TOX3: variants seen among roughly 807,000 people sequenced by gnomAD.
The protein encoded by TOX3 is CAG trinucleotide repeat-containing gene F9 protein.
A neutral mutation model predicts 64.3 loss-of-function variants in TOX3; 22 were observed. The observed-to-expected ratio is 0.34, with a 90% CI of 0.24 to 0.49. The LOEUF is 0.49. TOX3 is among the 20% of genes least tolerant of loss of function. The pLI is 0.99. For missense variants in TOX3, 661 were observed against 714.4 expected (o/e 0.93, Z 0.85); for synonymous variants, 291 against 273.6 (o/e 1.06, Z -0.63).
At chr16:52,501,681 C>CAAA (rs1213262658) in intron 1 of TOX3, among the ~76,000 whole-genome samples, 1 of 140,710 alleles carries the variant, frequency 7.1e-6, no homozygotes, top group African/African-American at 2.7e-5. Context: ...AACAAACAAA[C>CAAA]AAAAAAAAAA....
chr16:52,503,068 A>T (rs1329736785), intron 1 of TOX3, among the ~76,000 whole-genome samples: 1 of 152,202 alleles, frequency 6.6e-6, no homozygotes, highest in Non-Finnish European at 1.5e-5. Context: ...AAAACAGGCA[A>T]CTGGCCCATG....
intron 1 of TOX3, among the ~76,000 whole-genome samples, chr16:52,473,345 T>C (rs1339861109): frequency 6.6e-6 from 1 of 150,762 alleles, no homozygotes; most frequent in Non-Finnish European, 1.5e-5. Context: ...AACAGCTAAA[T>C]GGCACAAACT....
chr16:52,517,571 T>A (rs1002605832), intron 1 of TOX3, among the ~76,000 whole-genome samples: 1 of 151,816 alleles, frequency 6.6e-6, no homozygotes, highest in African/African-American at 2.4e-5. Context: ...TTATGAAGGA[T>A]AAAATATCAG....
chr16:52,460,048 T>C (rs562664876), intron 3 of TOX3, among the ~76,000 whole-genome samples: 1 of 152,250 alleles, frequency 6.6e-6, no homozygotes, highest in South Asian at 2.1e-4. Flanking sequence ...ATAATTTTCT[T>C]CTCTGCATAA....
intron 2 of TOX3, among the ~76,000 whole-genome samples, chr16:52,464,759 A>G (rs1409919730): frequency 3.3e-5 from 5 of 152,210 alleles, no homozygotes; most frequent in Admixed American, 2.0e-4. Flanking sequence ...TGTTTTATAT[A>G]AGGATTATCA....
chr16:52,486,042 A>T (rs944109858), intron 1 of TOX3, among the ~76,000 whole-genome samples: 2 of 152,206 alleles, frequency 1.3e-5, no homozygotes, highest in Non-Finnish European at 2.9e-5. Flanking sequence ...AGGTGCCAAG[A>T]GATGTCTGTC....
chr16:52,482,807 A>T (rs1048722524), intron 1 of TOX3, among the ~76,000 whole-genome samples: 3 of 152,214 alleles, frequency 2.0e-5, no homozygotes, highest in Non-Finnish European at 4.4e-5. Flanking sequence ...TCTCATCGCT[A>T]CTAGTGGAAA....
intron 1 of TOX3, among the ~76,000 whole-genome samples, chr16:52,544,694 T>G (rs1963138998): frequency 6.6e-6 from 1 of 152,216 alleles, no homozygotes; most frequent in African/African-American, 2.4e-5. Flanking sequence ...TTTCAAGCTT[T>G]ATATACCCTC....
intron 1 of TOX3, among the ~76,000 whole-genome samples, chr16:52,476,975 A>T (rs1444966328): frequency 6.6e-6 from 1 of 152,090 alleles, no homozygotes; most frequent in Non-Finnish European, 1.5e-5. Flanking sequence ...TCAATATATA[A>T]TTTCACCTTT....
rs1224507031 is a variant in TOX3 at position 52,487,311 on chromosome 16, A to AG, written c.88-18738_88-18737insC. On this transcript the variant is annotated intron_variant, in intron 1 of 6. Transcript: ENST00000219746. ...AGAGCAGCTGAGTCAGATGGAAAAA[A>AG]AAAAAAGAAAGAGAAAAAGAAAAAG... Among the ~76,000 whole-genome samples the AG allele has an allele frequency of 2.6e-5, 4 of 151,312 alleles. No individual in the cohort carries two copies. The East Asian group carries it at 7.8e-4, about 29-fold the overall frequency.
At chr16:52,506,768 A>T (rs1596839007) in intron 1 of TOX3, among the ~76,000 whole-genome samples, 1 of 152,212 alleles carries the variant, frequency 6.6e-6, no homozygotes. Flanking sequence ...TTAAAGATTT[A>T]AAAACATGAT....
chr16:52,530,554 C>T (rs1312158520), intron 1 of TOX3, among the ~76,000 whole-genome samples: 2 of 152,106 alleles, frequency 1.3e-5, no homozygotes, highest in Non-Finnish European at 2.9e-5. Flanking sequence ...TCATGGTTGG[C>T]CAGGATGGTC....
intron 1 of TOX3, among the ~76,000 whole-genome samples, chr16:52,491,812 C>T (rs535020034): frequency 1.3e-5 from 2 of 152,272 alleles, no homozygotes; most frequent in South Asian, 4.1e-4. Flanking sequence ...GGAACTGAAG[C>T]AGAATTCCTT....
In TOX3 at chr16:52,454,920, C is replaced by T. The variant is rs1334263762; in HGVS notation, c.409-4374G>A. 2.0e-5 allele frequency among the ~76,000 whole-genome samples: 3 copies of T among 152,222 alleles called. No individual in the cohort carries two copies. The East Asian group carries it at 5.8e-4, about 29-fold the overall frequency. On this transcript the variant is annotated intron_variant, in intron 3 of 6. Coordinates refer to ENST00000219746, the MANE Select transcript of TOX3 (RefSeq NM_001080430.4). ...TCACAATTTTTCCCAGTAGTAATGA[C>T]ACAATAAGGAAATGTATAACTATGA... is the stretch of plus-strand genomic sequence containing the variant.
intron 3 of TOX3, among the ~76,000 whole-genome samples, chr16:52,454,240 C>CAA: frequency 7.2e-6 from 1 of 139,552 alleles, no homozygotes; most frequent in South Asian, 2.3e-4. Flanking sequence ...TATTTCATTA[C>CAA]AAAAAAAAAA....
At chr16:52,458,397 C>G (rs967307753) in intron 3 of TOX3, among the ~76,000 whole-genome samples, 2 of 152,100 alleles carry the variant, frequency 1.3e-5, no homozygotes, top group African/African-American at 2.4e-5. Context: ...TAATGGCATA[C>G]AGAGTAACTC....
intron 3 of TOX3, among the ~76,000 whole-genome samples, chr16:52,458,632 G>A (rs1235701852): frequency 2.0e-5 from 3 of 152,138 alleles, no homozygotes; most frequent in Non-Finnish European, 4.4e-5. Context: ...GTATCACACT[G>A]CACAAGGTCT....
intron 3 of TOX3, among the ~76,000 whole-genome samples, chr16:52,463,311 T>C (rs1960750543): frequency 6.6e-6 from 1 of 152,234 alleles, no homozygotes; most frequent in South Asian, 2.1e-4. Flanking sequence ...TTGCTGACTA[T>C]AATTGCACAC....
intron 1 of TOX3, among the ~76,000 whole-genome samples, chr16:52,495,109 G>C (rs910968875): frequency 2.0e-5 from 3 of 152,112 alleles, no homozygotes; most frequent in East Asian, 1.9e-4. Flanking sequence ...TTTAAAACAA[G>C]ATAATACTGG....
Sources: gnomAD v4.1 joint callset for allele counts (sites outside exome capture counted in the v4.1 genomes callset) on GRCh38, gnomAD v4.1.1 for gene constraint, MANE v1.5 for transcripts, NCBI Gene and HGNC (gene_info 2026-07-23, HGNC 2026-07-21) for gene names.